LRBA: variants seen among roughly 807,000 people sequenced by gnomAD.
LRBA encodes lipopolysaccharide-responsive and beige-like anchor protein.
LRBA carries 176 observed loss-of-function variants against 330.0 expected under a neutral mutation model. The ratio of observed to expected loss-of-function variants is 0.53; its 90% CI spans 0.47 to 0.60. LRBA has a LOEUF of 0.60. Ranked by LOEUF, LRBA falls within the 20% of genes least tolerant of loss-of-function variation. LRBA has a pLI of 0.00. For missense variants in LRBA, 3,259 were observed against 3,444.8 expected (o/e 0.95, Z 1.35); for synonymous variants, 1,230 against 1,193.0 (o/e 1.03, Z -0.64).
chr4:150,384,853 T>A (rs1265842566), intron 47 of LRBA, among the ~76,000 whole-genome samples: 1 of 152,138 alleles, frequency 6.6e-6, no homozygotes, highest in Non-Finnish European at 1.5e-5. Context: ...CAGTATGAAT[T>A]TTTCATGTTT....
chr4:150,629,986 C>A (rs892241823), intron 37 of LRBA, among the ~76,000 whole-genome samples: 2 of 152,000 alleles, frequency 1.3e-5, no homozygotes, highest in African/African-American at 4.8e-5. Flanking sequence ...ACAACAACAA[C>A]AACAAAAACA....
At chr4:150,338,466 T>G (rs1347737103) in intron 48 of LRBA, among the ~76,000 whole-genome samples, 1 of 152,212 alleles carries the variant, frequency 6.6e-6, no homozygotes, top group East Asian at 1.9e-4. Context: ...ATATTAAGGT[T>G]GTCTGACAGC....
chr4:150,516,145 C>A (rs959819102), intron 40 of LRBA, among the ~76,000 whole-genome samples: 1 of 147,630 alleles, frequency 6.8e-6, no homozygotes, highest in Admixed American at 6.8e-5. Context: ...AAACAATATG[C>A]AAATGGCATA....
At chr4:150,953,822 C>G (rs1737151511) in intron 2 of LRBA, among the ~76,000 whole-genome samples, 2 of 149,762 alleles carry the variant, frequency 1.3e-5, no homozygotes, top group Admixed American at 6.6e-5. Context: ...CCCGGCCGCC[C>G]ATCATCTGGG....
intron 2 of LRBA, among the ~76,000 whole-genome samples, chr4:150,994,986 G>C (rs923123547): frequency 6.6e-6 from 1 of 151,994 alleles, no homozygotes; most frequent in Non-Finnish European, 1.5e-5. Context: ...TAAAGGTTGG[G>C]GCCTAAACAA....
chr4:150,846,963 C>T (rs999562701), intron 26 of LRBA, among the ~76,000 whole-genome samples: 1 of 152,110 alleles, frequency 6.6e-6, no homozygotes, highest in Non-Finnish European at 1.5e-5. Context: ...CTAGTATAGC[C>T]TTGCACTTTT....
chr4:150,545,738 CAAT>C (rs1172692755), intron 40 of LRBA, among the ~76,000 whole-genome samples: 1 of 151,948 alleles, frequency 6.6e-6, no homozygotes, highest in African/African-American at 2.4e-5. Flanking sequence ...CTTAAAACAA[CAAT>C]AAGGTAGTCA....
chr4:150,636,394 G>A (rs1777916039), intron 37 of LRBA, among the ~76,000 whole-genome samples: 1 of 152,040 alleles, frequency 6.6e-6, no homozygotes, highest in Non-Finnish European at 1.5e-5. Context: ...TTTGGCCAGT[G>A]GGATTCTTTT....
chr4:150,817,038 C>T, intron 31 of LRBA, 86 bp downstream of exon 31: 1 of 1,238,210 alleles, frequency 8.1e-7, no homozygotes, highest in Non-Finnish European at 1.2e-6. Flanking sequence ...AATGTGCCCC[C>T]AAATTTTAAG....
chr4:150,559,593 A>T (rs1443249221), intron 40 of LRBA, among the ~76,000 whole-genome samples: 1 of 116,628 alleles, frequency 8.6e-6, no homozygotes, highest in African/African-American at 3.3e-5. Flanking sequence ...AATATTTATA[A>T]TATATAATGT....
At chr4:150,615,099 T>G (rs917893659) in intron 37 of LRBA, among the ~76,000 whole-genome samples, 6 of 152,164 alleles carry the variant, frequency 3.9e-5, no homozygotes, top group Admixed American at 1.3e-4. Context: ...CAAAAGGATT[T>G]CCGGCAGGGA....
chr4:150,645,308 T>C (rs1477025914), intron 37 of LRBA, among the ~76,000 whole-genome samples: 2 of 151,584 alleles, frequency 1.3e-5, no homozygotes, highest in Non-Finnish European at 3.0e-5. Flanking sequence ...ATAAATTCCA[T>C]CTAAATTACA....
At chr4:150,326,375 T>C (rs1320711041) in intron 48 of LRBA, among the ~76,000 whole-genome samples, 10 of 152,182 alleles carry the variant, frequency 6.6e-5, no homozygotes, top group Admixed American at 2.6e-4. Flanking sequence ...AATTTTGCCA[T>C]AGGAAGAGCA....
intron 46 of LRBA, among the ~76,000 whole-genome samples, chr4:150,418,280 T>G (rs1394931253): frequency 2.6e-5 from 4 of 152,166 alleles, no homozygotes; most frequent in Non-Finnish European, 5.9e-5. Context: ...TATATTTTAT[T>G]CCTGGCCCAA....
intron 2 of LRBA, among the ~76,000 whole-genome samples, chr4:151,003,077 A>AGT (rs1561118011): frequency 2.7e-5 from 4 of 146,976 alleles, no homozygotes; most frequent in African/African-American, 1.0e-4. Flanking sequence ...TGTGTGTACC[A>AGT]ACATCATTTT....
At chr4:150,353,181 A>T (rs2151824904) in intron 47 of LRBA, among the ~76,000 whole-genome samples, 1 of 152,076 alleles carries the variant, frequency 6.6e-6, no homozygotes, top group African/African-American at 2.4e-5. Context: ...AAAAAATATG[A>T]CTCTATGAAG....
chr4:150,852,560 T>C lies in LRBA; in HGVS notation c.3150A>G (p.Val1050=), dbSNP rs756885717. Residue 1050 remains valine (V), a synonymous_variant, in exon 23 of 57, where the codon GTA becomes GTG. Coordinates refer to ENST00000651943, the MANE Select transcript of LRBA (RefSeq NM_001364905.1). ...CCACAGCTTCTATTATGTCAGAAGA[T>C]ACTTCTAAATCATCTGCATTCCTTG... ...NETRNADDLE[V]SSDIIEAVAI... is the part of the protein sequence containing the mutation. The C allele has an allele frequency of 5.2e-5, 84 of 1,613,950 alleles. 5 individuals are homozygous for C. In the South Asian group the frequency reaches 9.0e-4, roughly 17 times the overall value.
chr4:150,853,340 G>A (rs1390369465), intron 22 of LRBA, among the ~76,000 whole-genome samples: 1 of 152,110 alleles, frequency 6.6e-6, no homozygotes, highest in Non-Finnish European at 1.5e-5. Context: ...ATTTCCCCAG[G>A]ACTTGTCCGC....
chr4:150,803,081 T>TACACAC (rs1335838704), intron 33 of LRBA, among the ~76,000 whole-genome samples: 1 of 110,992 alleles, frequency 9.0e-6, no homozygotes, highest in Non-Finnish European at 1.8e-5. Context: ...AAAAAATATA[T>TACACAC]ATACACACAC....
Sources: gnomAD v4.1 joint callset for allele counts (sites outside exome capture counted in the v4.1 genomes callset) on GRCh38, gnomAD v4.1.1 for gene constraint, MANE v1.5 for transcripts, NCBI Gene and HGNC (gene_info 2026-07-23, HGNC 2026-07-21) for gene names.